The following SPTSSB variants were observed in gnomAD, a reference collection of about 807,000 sequenced individuals.
SPTSSB encodes the protein serine palmitoyltransferase small subunit B, also known as androgen down regulated in mouse prostate.
SPTSSB carries 6 observed loss-of-function variants against 7.7 expected under a neutral mutation model. The ratio of observed to expected loss-of-function variants is 0.78; its 90% CI spans 0.43 to 1.54. The LOEUF is 1.54. SPTSSB is among the 40% of genes most tolerant of loss of function. SPTSSB has a pLI of 0.01. For missense variants in SPTSSB, 91 were observed against 93.0 expected (o/e 0.98, Z 0.09); for synonymous variants, 28 against 29.7 (o/e 0.94, Z 0.19).
rs369425565 is a variant in SPTSSB at position 161,348,561 on chromosome 3, A to G, written c.-32-2206T>C. Reference sequence around the variant, plus strand: ...AAAAGAAACAGCAGATAAAAAGCACACCAACATGTATAGCACCAACAGTGG... The same window carrying G: ...AAAAGAAACAGCAGATAAAAAGCACGCCAACATGTATAGCACCAACAGTGG... On this transcript the variant is annotated intron_variant, in intron 2 of 2. Coordinates refer to ENST00000620149, the MANE Select transcript of SPTSSB (RefSeq NM_001040100.2). Among the ~76,000 whole-genome samples, 4 of 152,340 alleles carry G rather than the reference A, an allele frequency of 2.6e-5. No individual in the cohort carries two copies. The East Asian group carries it at 7.7e-4, about 29-fold the overall frequency.
intron 1 of SPTSSB, among the ~76,000 whole-genome samples, chr3:161,370,228 G>A (rs1378875608): frequency 1.3e-5 from 2 of 152,092 alleles, no homozygotes; most frequent in East Asian, 1.9e-4. Flanking sequence ...TGAGAGTTGA[G>A]GACTGGTTGA....
At chr3:161,367,127 A>T (rs1202050811) in intron 1 of SPTSSB, among the ~76,000 whole-genome samples, 1 of 152,248 alleles carries the variant, frequency 6.6e-6, no homozygotes, top group Non-Finnish European at 1.5e-5. Flanking sequence ...CAGTGAGCTG[A>T]GATCACGCCA....
intron 2 of SPTSSB, among the ~76,000 whole-genome samples, chr3:161,358,286 G>A (rs1714866856): frequency 6.6e-6 from 1 of 152,074 alleles, no homozygotes; most frequent in Non-Finnish European, 1.5e-5. Context: ...TGTCATGAGG[G>A]CCATGTGGGG....
At chr3:161,369,356 T>TTC (rs1715398491) in intron 1 of SPTSSB, among the ~76,000 whole-genome samples, 1 of 129,786 alleles carries the variant, frequency 7.7e-6, no homozygotes, top group Admixed American at 8.5e-5. Context: ...TTCTTTCTCT[T>TTC]TCTTTCTCTC....
At chr3:161,350,523 ATT>A (rs531797213) in intron 2 of SPTSSB, among the ~76,000 whole-genome samples, 1 of 149,010 alleles carries the variant, frequency 6.7e-6, no homozygotes, top group African/African-American at 2.5e-5. Context: ...ACTCAGCTTC[ATT>A]TTTTTTTTGT....
Position 161,345,794 on chromosome 3 carries a change from T to C in SPTSSB, c.*299A>G. On this transcript the variant is annotated 3_prime_UTR_variant, in exon 3 of 3. Transcript: ENST00000620149. ...TTAGGAGTCTATTTTCCAGAAAAAT[T>C]TTGTAGGAAATTGTTCTGATTTTAA... 1 of 248,556 alleles carries C rather than the reference T, an allele frequency of 4.0e-6. No homozygotes were observed. The highest frequency in any genetic ancestry group is 7.9e-6 in the Non-Finnish European group (1 of 126,022). 15.4% of individuals were successfully genotyped at this position (248,556 alleles called of 1,614,324 possible). A position where few individuals can be genotyped will look rare whatever the true frequency, so the allele number is the denominator to read the frequency against.
intron 2 of SPTSSB, among the ~76,000 whole-genome samples, chr3:161,358,503 G>T (rs1290490544): frequency 2.6e-5 from 4 of 152,080 alleles, no homozygotes; most frequent in Admixed American, 6.5e-5. Context: ...TGATTAAAAA[G>T]TATAAAATAT....
chr3:161,357,608 A>C (rs1714825637), intron 2 of SPTSSB, among the ~76,000 whole-genome samples: 1 of 152,248 alleles, frequency 6.6e-6, no homozygotes, highest in South Asian at 2.1e-4. Context: ...GAAGCAGTGA[A>C]TATGACCTTT....
rs1714629067 is a variant in SPTSSB at position 161,353,342 on chromosome 3, C to T, written c.-33+6460G>A. On this transcript the variant is annotated intron_variant, in intron 2 of 2. Coordinates refer to ENST00000620149, the MANE Select transcript of SPTSSB (RefSeq NM_001040100.2). ...GAGTCTTTGTGGAATATAACAGTTA[C>T]TTCAACAATGGAGTGATTTGTATAT... 2.6e-5 allele frequency among the ~76,000 whole-genome samples: 4 copies of T among 152,162 alleles called. No homozygotes were observed. In the South Asian group the frequency reaches 8.3e-4, roughly 31 times the overall value.
chr3:161,362,367 T>C (rs1334558342), intron 1 of SPTSSB, among the ~76,000 whole-genome samples: 3 of 152,104 alleles, frequency 2.0e-5, no homozygotes, highest in African/African-American at 7.2e-5. Flanking sequence ...AAGGGACAAA[T>C]GTACTGCGAC....
rs144107004 is a variant in SPTSSB at position 161,358,609 on chromosome 3, C to T, written c.-33+1193G>A. 2.8e-3 allele frequency among the ~76,000 whole-genome samples: 421 copies of T among 152,238 alleles called. 3 individuals carry two copies. The highest frequency in any genetic ancestry group is 9.9e-3 in the African/African-American group (409 of 41,522). ...GTATTGCTAGATTATGACTACCAGG[C>T]AAAGAATGAAAGAGAATGGGATCAT... On this transcript the variant is annotated intron_variant, in intron 2 of 2. Transcript: ENST00000620149.
chr3:161,365,815 T>C (rs1216384657), intron 1 of SPTSSB, among the ~76,000 whole-genome samples: 1 of 152,228 alleles, frequency 6.6e-6, no homozygotes, highest in Non-Finnish European at 1.5e-5. Flanking sequence ...CTAAAAGCTC[T>C]AGTCCAAGAA....
chr3:161,361,476 CAT>C (rs1296145633), intron 1 of SPTSSB, among the ~76,000 whole-genome samples: 3 of 151,940 alleles, frequency 2.0e-5, no homozygotes, highest in African/African-American at 7.2e-5. Flanking sequence ...ATGTTTTTGT[CAT>C]ATTAAAAAAA....
At chr3:161,369,385 C>CTT (rs71149710) in intron 1 of SPTSSB, among the ~76,000 whole-genome samples, 484 of 29,624 alleles carry the variant, frequency 0.016, 78 homozygotes, top group African/African-American at 0.05. Context: ...TCTTTCTTTC[C>CTT]TTTTTTTTTT....
At chr3:161,369,448 CTGTGGT>C (rs1715410750) in intron 1 of SPTSSB, among the ~76,000 whole-genome samples, 1 of 110,500 alleles carries the variant, frequency 9.0e-6, no homozygotes, top group East Asian at 2.8e-4. Context: ...TGGGATTGTA[CTGTGGT>C]TTTGATTTGA....
At chr3:161,360,262 G>A (rs1322124828) in intron 1 of SPTSSB, among the ~76,000 whole-genome samples, 1 of 152,138 alleles carries the variant, frequency 6.6e-6, no homozygotes, top group East Asian at 1.9e-4. Flanking sequence ...GTGAGATTTT[G>A]TTTGTAGAAA....
At chr3:161,367,480 G>A (rs1370429374) in intron 1 of SPTSSB, among the ~76,000 whole-genome samples, 1 of 152,182 alleles carries the variant, frequency 6.6e-6, no homozygotes, top group Non-Finnish European at 1.5e-5. Flanking sequence ...GAGGCTGCTT[G>A]CCACCCCCAT....
In SPTSSB at chr3:161,359,848, T is replaced by G. The variant is rs1439148745; in HGVS notation, c.-79A>C. 3.1e-6 allele frequency: 3 copies of G among 961,044 alleles called. No homozygotes were observed. Among genetic ancestry groups the G allele is most frequent in the African/African-American group, 1.8e-5 (1 of 56,716 alleles). 59.5% of individuals were successfully genotyped at this position (961,044 alleles called of 1,614,324 possible). Reference sequence around the variant, plus strand: ...TCTTCAGCCTTGCTCCTTCACGAAATGATCCTGTGTGGGTTAGTTCTCCTC... The same window carrying G: ...TCTTCAGCCTTGCTCCTTCACGAAAGGATCCTGTGTGGGTTAGTTCTCCTC... On this transcript the variant is annotated 5_prime_UTR_variant, in exon 2 of 3. Coordinates refer to ENST00000620149, the MANE Select transcript of SPTSSB (RefSeq NM_001040100.2).
Position 161,371,511 on chromosome 3 carries a change from C to T in SPTSSB, c.-202G>A. The T allele has an allele frequency of 1.0e-6, 1 of 985,536 alleles. No individual in the cohort carries two copies. The highest frequency in any genetic ancestry group is 1.2e-6 in the Non-Finnish European group (1 of 830,014). 61.0% of individuals were successfully genotyped at this position (985,536 alleles called of 1,614,324 possible). On this transcript the variant is annotated 5_prime_UTR_variant, in exon 1 of 3. Coordinates refer to ENST00000620149, the MANE Select transcript of SPTSSB (RefSeq NM_001040100.2). ...CTCCTCCCCAGCTGCTGCGAGCTTC[C>T]CACTGCGCCGGGCGCCTGGGAGCCT...
Sources: gnomAD v4.1 joint callset for allele counts (sites outside exome capture counted in the v4.1 genomes callset) on GRCh38, gnomAD v4.1.1 for gene constraint, MANE v1.5 for transcripts, NCBI Gene and HGNC (gene_info 2026-07-23, HGNC 2026-07-21) for gene names.